Variants in AEBP1 observed in about 807,000 individuals in gnomAD.
AEBP1 encodes the protein adipocyte enhancer-binding protein 1.
In AEBP1, 69 loss-of-function variants were observed where a neutral mutation model predicts 116.5. That is an observed-to-expected ratio of 0.59 (90% CI 0.49 to 0.72). AEBP1 has a LOEUF of 0.72. AEBP1 is among the 30% of genes least tolerant of loss of function. AEBP1 has a pLI of 0.00. For missense variants in AEBP1, 1,444 were observed against 1,557.5 expected (o/e 0.93, Z 1.23); for synonymous variants, 627 against 627.3 (o/e 1.00, Z 0.01).
rs1241509612 is a variant in AEBP1 at position 44,110,118 on chromosome 7, C to T, written c.1254C>T (p.Asn418=). Residue 418 remains asparagine, a synonymous_variant, in exon 10 of 21, where the codon AAC becomes AAT. Transcript: ENST00000223357. ...HGLGAQRGRL[N]MQTGATEDDY... ...TGGGGGCACAGCGCGGCCGGCTCAA[C>T]ATGCAGGTGGGCATTGGGATGGGCC... 1 of 1,613,140 alleles carries T rather than the reference C, an allele frequency of 6.2e-7. No individual in the cohort carries two copies. Among genetic ancestry groups the T allele is most frequent in the African/African-American group, 1.3e-5 (1 of 75,056 alleles).
In AEBP1 at chr7:44,107,738, C is replaced by T. The variant is rs757626030; in HGVS notation, c.739+38C>T. ...CTGCCAGCCCCACCTGGGTCGGACC[C>T]CTGGCCTGGGGGATGTGCCAATGGG... On this transcript the variant is annotated intron_variant, in intron 4 of 20. Transcript: ENST00000223357. The surrounding 1 kb of genome is among the most constrained non-coding windows in gnomAD (Gnocchi z 4.3). 5.0e-6 allele frequency: 8 copies of T among 1,613,024 alleles called. No individual in the cohort carries two copies. The highest frequency in any genetic ancestry group is 6.8e-6 in the Non-Finnish European group (8 of 1,179,878).
Position 44,104,632 on chromosome 7 carries a change from G to GC in AEBP1, c.-31dup. The GC allele has an allele frequency of 2.2e-6, 3 of 1,392,362 alleles. No individual in the cohort carries two copies. In the South Asian group the frequency reaches 4.9e-5, roughly 23 times the overall value. The allele number at this position is 1,392,362 out of a possible 1,614,324, so 86.3% of individuals were successfully genotyped here. A position where few individuals can be genotyped will look rare whatever the true frequency, so the allele number is the denominator to read the frequency against. ...AGACCCAGAGCCCCTGACCCCCCGCGCCCTCCCCGGAGCCCCCCGCGCGTG... is the reference window on the plus strand; with the variant it reads ...AGACCCAGAGCCCCTGACCCCCCGCGCCCCTCCCCGGAGCCCCCCGCGCGTG... On this transcript the variant is annotated 5_prime_UTR_variant, in exon 1 of 21. Coordinates refer to ENST00000223357, the MANE Select transcript of AEBP1 (RefSeq NM_001129.5).
Position 44,114,045 on chromosome 7 carries a change from A to C in AEBP1, c.3261A>C (p.Thr1087=). The C allele has an allele frequency of 6.2e-7, 1 of 1,614,108 alleles. No homozygotes were observed. The highest frequency in any genetic ancestry group is 1.1e-5 in the South Asian group (1 of 91,072). The change falls in exon 21 of 21, where the codon ACA becomes ACC. Residue 1087 remains threonine (T), a synonymous_variant. Coordinates refer to ENST00000223357, the MANE Select transcript of AEBP1 (RefSeq NM_001129.5). The part of the protein sequence containing the change: ...GWEESETETY[T]EVVTEFGTEV... ...AGGAGTCGGAGACTGAGACCTACAC[A>C]GAGGTGGTGACAGAGTTTGGGACCG...
chr7:44,111,771 G>T lies in AEBP1; in HGVS notation c.1841-83G>T. On this transcript the variant is annotated intron_variant, in intron 15 of 20. Coordinates refer to ENST00000223357, the MANE Select transcript of AEBP1 (RefSeq NM_001129.5). This position sits in a 1 kb window ranked among gnomAD's most constrained non-coding sequence, Gnocchi z 4.7. ...AGCCCCAGCTGTCCCCCAGACCCTC[G>T]GGTATGAGGTGGGTCTGGGTCCTTC... is the stretch of plus-strand genomic sequence containing the variant. 6.5e-7 allele frequency: 1 copy of T among 1,529,812 alleles called. No individual in the cohort carries two copies. The allele number at this position is 1,529,812 out of a possible 1,614,324, so 94.8% of individuals were successfully genotyped here. A position where few individuals can be genotyped will look rare whatever the true frequency, so the allele number is the denominator to read the frequency against.
At chr7:44,109,368 G>T (rs1484397368) in intron 9 of AEBP1, 27 bp downstream of exon 9, 2 of 1,466,784 alleles carry the variant, frequency 1.4e-6, no homozygotes, top group South Asian at 2.6e-5. Context: ...AGGGGGTGAG[G>T]GTGGGGGCCA....
rs372415628 is a variant in AEBP1 at position 44,111,487 on chromosome 7, G to C, written c.1717-20G>C. ...GGACGGATTGCATGATTGATTCCACGTCCTCCCCCTCTGCCCCAGCTCATG... is the reference window on the plus strand; with the variant it reads ...GGACGGATTGCATGATTGATTCCACCTCCTCCCCCTCTGCCCCAGCTCATG... On this transcript the variant is annotated intron_variant, in intron 14 of 20. Transcript: ENST00000223357. This position sits in a 1 kb window ranked among gnomAD's most constrained non-coding sequence, Gnocchi z 4.7. 6.4e-7 allele frequency: 1 copy of C among 1,562,594 alleles called. No homozygotes were observed. Among genetic ancestry groups the C allele is most frequent in the Non-Finnish European group, 8.7e-7 (1 of 1,154,568 alleles).
rs958421330 is a variant in AEBP1 at position 44,108,845 on chromosome 7, C to T, written c.941-54C>T. ...TGCTGAGCTCCTGTGGACCCAGGAG[C>T]TGAGGCCCCGCAGCAGGGTCAGGGC... On this transcript the variant is annotated intron_variant, in intron 6 of 20. Transcript: ENST00000223357. The surrounding 1 kb of genome is among the most constrained non-coding windows in gnomAD (Gnocchi z 5.0). 11 of 1,508,640 alleles carry T rather than the reference C, an allele frequency of 7.3e-6. No homozygotes were observed. The highest frequency in any genetic ancestry group is 9.9e-6 in the Non-Finnish European group (11 of 1,110,298). The allele number at this position is 1,508,640 out of a possible 1,614,324, so 93.5% of individuals were successfully genotyped here.
At chr7:44,110,468 T>A in intron 11 of AEBP1, 122 bp downstream of exon 11, 1 of 1,434,218 alleles carries the variant, frequency 7.0e-7, no homozygotes. Context: ...GCCAAAAAGA[T>A]CAGTGAGGGA....
chr7:44,110,472 T>C, intron 11 of AEBP1, 126 bp downstream of exon 11: 1 of 1,404,872 alleles, frequency 7.1e-7, no homozygotes, highest in Non-Finnish European at 9.7e-7. Context: ...AAAAGATCAG[T>C]GAGGGACTCA....
At position 44,112,731 on chromosome 7, in the gene AEBP1, G is replaced by A. The variant is rs1003733040; in HGVS notation, c.2391G>A (p.Glu797=). 1 of 1,613,282 alleles carries A rather than the reference G, an allele frequency of 6.2e-7. No homozygotes were observed. The highest frequency in any genetic ancestry group is 8.5e-7 in the Non-Finnish European group (1 of 1,179,980). ...AAMAAARGED[E]DEVSEAQETP... Reference sequence around the variant, plus strand: ...TGGCAGCAGCCCGGGGGGAGGATGAGGACGAGGTCTCCGAGGCCCAGGAGA... The same window carrying A: ...TGGCAGCAGCCCGGGGGGAGGATGAAGACGAGGTCTCCGAGGCCCAGGAGA... The change falls in exon 18 of 21, where the codon GAG becomes GAA. Residue 797 remains glutamate (E), a synonymous_variant. Transcript: ENST00000223357. This position sits in a 1 kb window ranked among gnomAD's most constrained non-coding sequence, Gnocchi z 6.6.
chr7:44,113,689 G>C lies in AEBP1; in HGVS notation c.2905G>C (p.Val969Leu). 6.2e-7 allele frequency: 1 copy of C among 1,614,020 alleles called. No homozygotes were observed. Among genetic ancestry groups the C allele is most frequent in the Non-Finnish European group, 8.5e-7 (1 of 1,179,980 alleles). Residue 969 changes from valine to leucine, a missense_variant, in exon 21 of 21, where the codon GTT becomes CTT. By Grantham distance (32) the Val-to-Leu change is conservative. Coordinates refer to ENST00000223357, the MANE Select transcript of AEBP1 (RefSeq NM_001129.5). This position sits in a 1 kb window ranked among gnomAD's most constrained non-coding sequence, Gnocchi z 5.3. ...CACCCCGAGCGCCAAGACCTGCAAT[G>C]TTGACTATGACATCGGGGCCACTCA... ...GYTPSAKTCNVDYDIGATQCN... is the reference protein window; with the variant it reads ...GYTPSAKTCNLDYDIGATQCN...
At position 44,112,013 on chromosome 7, in the gene AEBP1, C is replaced by T. The variant is rs768189740; in HGVS notation, c.2000C>T (p.Ser667Leu). The T allele has an allele frequency of 1.9e-6, 3 of 1,613,688 alleles. No homozygotes were observed. The highest frequency in any genetic ancestry group is 1.3e-5 in the African/African-American group (1 of 74,918). ...GACACACGCATCCACCTGGTGCCCT[C>T]ACTGAACCCTGATGGCTACGAGGTG... Reference protein sequence around the residue: ...VQDTRIHLVPSLNPDGYEVAA... With the variant: ...VQDTRIHLVPLLNPDGYEVAA... The change falls in exon 16 of 21, where the codon TCA becomes TTA. Residue 667 changes from serine to leucine, a missense_variant. By Grantham distance (145) the Ser-to-Leu change is moderately radical. Transcript: ENST00000223357. The surrounding 1 kb of genome is among the most constrained non-coding windows in gnomAD (Gnocchi z 6.6).
At chr7:44,106,929 C>T (rs1434788195) in intron 2 of AEBP1, 42 bp downstream of exon 2, 4 of 1,438,876 alleles carry the variant, frequency 2.8e-6, no homozygotes, top group Non-Finnish European at 2.8e-6. Context: ...CTCTGACTGC[C>T]TGCTCGGGTG....
In AEBP1 at chr7:44,111,574, G is replaced by A. The variant is rs775833835; in HGVS notation, c.1784G>A (p.Arg595Gln). ...TRTYSLGKSS[R>Q]GLKIYAMEIS... ...ACTTACAGCCTGGGCAAGAGCTCAC[G>A]AGGCCTCAAGATCTATGCCATGGAG... Residue 595 changes from arginine to glutamine, a missense_variant, in exon 15 of 21, where the codon CGA (arginine) becomes CAA (glutamine). Arg to Gln is a conservative substitution (Grantham distance 43). Transcript: ENST00000223357. The surrounding 1 kb of genome is among the most constrained non-coding windows in gnomAD (Gnocchi z 4.7). The A allele has an allele frequency of 1.1e-5, 17 of 1,613,070 alleles. No homozygotes were observed. The highest frequency in any genetic ancestry group is 2.2e-5 in the East Asian group (1 of 44,876).
chr7:44,106,852 C>G lies in AEBP1; in HGVS notation c.560C>G (p.Pro187Arg), dbSNP rs200193837. ...ETLEWPLPPP[P>R]SPGPEELPQE... ...CTGGAGTGGCCACTGCCCCCACCCC[C>G]CAGCCCTGGCCCCGAGGAGCTACCC... Residue 187 changes from proline to arginine, a missense_variant, in exon 2 of 21, where the codon CCC becomes CGC. By Grantham distance (103) the Pro-to-Arg change is moderately radical (BLOSUM62 -2). Coordinates refer to ENST00000223357, the MANE Select transcript of AEBP1 (RefSeq NM_001129.5). The G allele has an allele frequency of 3.2e-3, 5,186 of 1,598,418 alleles. 27 individuals are homozygous for G. Among genetic ancestry groups the G allele is most frequent in the South Asian group, 3.9e-3 (347 of 89,262 alleles).
In AEBP1 at chr7:44,113,388, G is replaced by T; in HGVS notation, c.2809+37G>T. ...GCACACCTTTACCCCATCTTTCTGA[G>T]GGAGGACCCGCCAGAGAGGGTGGGG... On this transcript the variant is annotated intron_variant, in intron 20 of 20. Coordinates refer to ENST00000223357, the MANE Select transcript of AEBP1 (RefSeq NM_001129.5). This position sits in a 1 kb window ranked among gnomAD's most constrained non-coding sequence, Gnocchi z 5.3. The T allele has an allele frequency of 6.4e-7, 1 of 1,572,092 alleles. No individual in the cohort carries two copies.
rs775327422 is a variant in AEBP1, at chr7:44,112,232, T to G, written c.2128T>G (p.Trp710Gly). The G allele has an allele frequency of 1.9e-6, 3 of 1,608,980 alleles. No individual in the cohort carries two copies. Among genetic ancestry groups the G allele is most frequent in the Non-Finnish European group, 2.6e-6 (3 of 1,175,958 alleles). ...EDFPDLNSVLWGAEERKWVPY... is the reference protein window; with the variant it reads ...EDFPDLNSVLGGAEERKWVPY... Reference sequence around the variant, plus strand: ...TTTCCCGGATCTCAACTCTGTGCTCTGGGGAGCTGAGGAGAGGAAATGGGT... The same window carrying G: ...TTTCCCGGATCTCAACTCTGTGCTCGGGGGAGCTGAGGAGAGGAAATGGGT... The change falls in exon 17 of 21, where the codon TGG (tryptophan) becomes GGG (glycine). Residue 710 changes from tryptophan (W) to glycine (G), a missense_variant. Trp to Gly is a radical substitution (Grantham distance 184, BLOSUM62 -2). Transcript: ENST00000223357. The surrounding 1 kb of genome is among the most constrained non-coding windows in gnomAD (Gnocchi z 6.6).
intron 1 of AEBP1, 71 bp downstream of exon 1, chr7:44,104,989 G>A: frequency 7.1e-6 from 9 of 1,260,538 alleles, no homozygotes; most frequent in Non-Finnish European, 8.6e-6. Flanking sequence ...ATTCGGTAGG[G>A]TCTGGCCACT....
At position 44,114,169 on chromosome 7, in the gene AEBP1, G is replaced by A; in HGVS notation, c.3385G>A (p.Glu1129Lys). 1.2e-6 allele frequency: 2 copies of A among 1,613,986 alleles called. No individual in the cohort carries two copies. Among genetic ancestry groups the A allele is most frequent in the Non-Finnish European group, 1.7e-6 (2 of 1,179,962 alleles). The change falls in exon 21 of 21, where the codon GAG (glutamate) becomes AAG (lysine). Residue 1129 changes from glutamate to lysine, a missense_variant. Transcript: ENST00000223357. ...TQLEPEFEEE[E>K]EEEKEEEIAT... ...GCTGGAACCCGAGTTTGAGGAAGAG[G>A]AGGAGGAGGAGAAAGAGGAGGAGAT... is the stretch of plus-strand genomic sequence containing the variant.
Sources: gnomAD v4.1 joint callset for allele counts on GRCh38, gnomAD v4.1.1 for gene constraint, Gnocchi (gnomAD v3.1) non-coding constraint, MANE v1.5 for transcripts, NCBI Gene and HGNC (gene_info 2026-07-23, HGNC 2026-07-21) for gene names.